The following IGFL2 variants were observed in gnomAD, a reference collection of about 807,000 sequenced individuals.
The protein encoded by IGFL2 is IGF like family member 2.
Under a neutral mutation model 13.9 loss-of-function variants are expected in IGFL2, and 7 were observed. The ratio of observed to expected loss-of-function variants is 0.51; its 90% CI spans 0.29 to 0.95. The LOEUF (loss-of-function observed/expected upper bound fraction) is 0.95. IGFL2 is among the 40% of genes least tolerant of loss of function. The pLI, the probability that IGFL2 is intolerant of heterozygous loss-of-function variation, is 0.08. For missense variants in IGFL2, 138 were observed against 147.8 expected, an observed-to-expected ratio of 0.93 and a Z score of 0.34; for synonymous variants, 55 against 55.8, an observed-to-expected ratio of 0.99 and a Z score of 0.07.
At chr19:46,177,049 T>A in the IGFL2 span, among the ~76,000 whole-genome samples, 11 of 152,168 alleles carry the variant, frequency 7.2e-5, no homozygotes, top group Non-Finnish European at 1.5e-4. Context: ...TTCAATCTTT[T>A]TTAGCCCTTA....
chr19:46,198,835 C>T, the IGFL2 span, among the ~76,000 whole-genome samples: 1 of 152,206 alleles, frequency 6.6e-6, no homozygotes, highest in Non-Finnish European at 1.5e-5. Flanking sequence ...TGCAATGCCA[C>T]CCCATCCCTG....
At chr19:46,113,343 TG>T in the IGFL2 span, 1 of 330,082 alleles carries the variant, frequency 3.0e-6, no homozygotes, top group Non-Finnish European at 6.0e-6. Flanking sequence ...AGACTGTTGT[TG>T]GATGTATTCA....
chr19:46,174,244 A>G, the IGFL2 span, among the ~76,000 whole-genome samples: 2 of 152,228 alleles, frequency 1.3e-5, no homozygotes, highest in East Asian at 1.9e-4. Context: ...CAAAGTGAAC[A>G]TGCAGCGCTG....
chr19:46,176,367 A>C, the IGFL2 span, among the ~76,000 whole-genome samples: 10 of 152,170 alleles, frequency 6.6e-5, no homozygotes, highest in Non-Finnish European at 1.3e-4. Context: ...AGAAGTAAGT[A>C]ACAAGAGGGT....
chr19:46,153,839 A>ATATATATATATTTT (rs1198396702), intron 1 of IGFL2, among the ~76,000 whole-genome samples: 2 of 139,366 alleles, frequency 1.4e-5, no homozygotes, highest in African/African-American at 5.4e-5. Context: ...ATATATATAT[A>ATATATATATATTTT]TTTTTTTTAC....
the IGFL2 span, chr19:46,119,949 G>C: frequency 4.1e-5 from 10 of 245,158 alleles, no homozygotes; most frequent in African/African-American, 1.9e-4. Context: ...GTTACAGTCA[G>C]TGCTCTTTTG....
chr19:46,087,297 G>C, the IGFL2 span, among the ~76,000 whole-genome samples: 1 of 152,340 alleles, frequency 6.6e-6, no homozygotes, highest in Non-Finnish European at 1.5e-5. Flanking sequence ...AGGCTCACAG[G>C]TGGCACCTGC....
chr19:46,184,887 T>C, the IGFL2 span, among the ~76,000 whole-genome samples: 2 of 152,232 alleles, frequency 1.3e-5, no homozygotes, highest in Non-Finnish European at 2.9e-5. Context: ...TGTAAAAGCA[T>C]TCCTATTTCT....
At chr19:46,168,868 C>T in the IGFL2 span, among the ~76,000 whole-genome samples, 1 of 25,778 alleles carries the variant, frequency 3.9e-5, no homozygotes, top group African/African-American at 3.5e-4. Context: ...TTTTTCTGTA[C>T]TTATTTTTTC....
chr19:46,204,529 A>G, the IGFL2 span, among the ~76,000 whole-genome samples: 615 of 152,310 alleles, frequency 4.0e-3, 4 homozygotes, highest in African/African-American at 0.013. Flanking sequence ...CCCAATAACT[A>G]GGGACATGGC....
chr19:46,206,850 G>C, the IGFL2 span: 2 of 152,136 alleles, frequency 1.3e-5, no homozygotes, highest in African/African-American at 4.8e-5. Context: ...AAATGGGGTC[G>C]GGGGTGTGAG....
At chr19:46,080,746 A>G in the IGFL2 span, among the ~76,000 whole-genome samples, 23 of 152,302 alleles carry the variant, frequency 1.5e-4, no homozygotes, top group African/African-American at 5.1e-4. Flanking sequence ...AGTGTTGACT[A>G]GGAAAAGGAG....
chr19:46,129,845 G>A, the IGFL2 span, among the ~76,000 whole-genome samples: 1 of 152,048 alleles, frequency 6.6e-6, no homozygotes, highest in South Asian at 2.1e-4. Context: ...TATTGCTTTT[G>A]TGTGGAGAGT....
chr19:46,137,120 C>G, the IGFL2 span: 1 of 1,608,796 alleles, frequency 6.2e-7, no homozygotes, highest in Non-Finnish European at 8.5e-7. Context: ...TGGGTTTGGC[C>G]CAGATGTACA....
chr19:46,190,382 C>G, the IGFL2 span: 1 of 152,222 alleles, frequency 6.6e-6, no homozygotes, highest in Non-Finnish European at 1.5e-5. Flanking sequence ...CTCCAACAGG[C>G]TGGCCAGAGG....
In IGFL2 at chr19:46,148,850, GAC is replaced by G. The variant is rs1973284616; in HGVS notation, c.19+556_19+557del. 19 of 1,502,358 alleles carry G rather than the reference GAC, an allele frequency of 1.3e-5. No individual in the cohort carries two copies. The South Asian group carries it at 2.4e-4, about 19-fold the overall frequency. 93.1% of individuals were successfully genotyped at this position (1,502,358 alleles called of 1,614,324 possible). On this transcript the variant is annotated intron_variant, in intron 1 of 3. Transcript: ENST00000377693. ...ATATTGGACTGTGGTTGTGCCAGTT[GAC>G]ACTCAGGAGTGGAGACTAGATCTGC...
chr19:46,210,463 A>G, the IGFL2 span, among the ~76,000 whole-genome samples: 1 of 152,156 alleles, frequency 6.6e-6, no homozygotes, highest in East Asian at 1.9e-4. Flanking sequence ...CAATTTATAT[A>G]TATATATGAG....
At chr19:46,152,772 A>G (rs943889037) in intron 1 of IGFL2, among the ~76,000 whole-genome samples, 2 of 152,210 alleles carry the variant, frequency 1.3e-5, no homozygotes, top group Admixed American at 6.5e-5. Context: ...AAAGTATTCA[A>G]TCTTTCACAA....
chr19:46,136,725 CT>C, the IGFL2 span: 14 of 531,960 alleles, frequency 2.6e-5, no homozygotes, highest in Non-Finnish European at 5.2e-5. Context: ...TTTCTGAGAA[CT>C]GTTTTGCTTG....
Sources: gnomAD v4.1 joint callset for allele counts (sites outside exome capture counted in the v4.1 genomes callset) on GRCh38, gnomAD v4.1.1 for gene constraint, MANE v1.5 for transcripts, NCBI Gene and HGNC (gene_info 2026-07-23, HGNC 2026-07-21) for gene names.